Variants in CHP1 observed in about 807,000 individuals in gnomAD.
CHP1 encodes calcineurin B homologous protein 1.
Under a neutral mutation model 27.4 loss-of-function variants are expected in CHP1, and 11 were observed. The ratio of observed to expected loss-of-function variants is 0.40; its 90% CI spans 0.25 to 0.67. The LOEUF (loss-of-function observed/expected upper bound fraction) is 0.67, where lower values mean the gene tolerates loss of function less well. Ranked by LOEUF, CHP1 falls within the 30% of genes least tolerant of loss-of-function variation. The probability of loss-of-function intolerance (pLI) is 0.38; values close to 1 mark genes in which losing one functional copy is unlikely to be tolerated. For synonymous variants in CHP1, 89 were observed against 87.4 expected, an observed-to-expected ratio of 1.02 and a Z score of -0.10; for missense variants, 169 against 251.3, an observed-to-expected ratio of 0.67 and a Z score of 2.22.
intron 2 of CHP1, among the ~76,000 whole-genome samples, chr15:41,247,377 A>G (rs1282387214): frequency 2.7e-5 from 4 of 150,464 alleles, no homozygotes; most frequent in Non-Finnish European, 4.4e-5. Flanking sequence ...TTTAAAAAAA[A>G]AAAAAATTCT....
chr15:41,264,196 C>G, intron 4 of CHP1: 3 of 1,286,286 alleles, frequency 2.3e-6, no homozygotes, highest in Non-Finnish European at 2.0e-6. Context: ...AGAGAGAGAT[C>G]GAGACTGAAA....
At position 41,254,534 on chromosome 15, in the gene CHP1, G is replaced by A. The variant is rs116204622; in HGVS notation, c.141-2376G>A. Among the ~76,000 whole-genome samples, 373 of 152,262 alleles carry A rather than the reference G, an allele frequency of 2.4e-3. 3 individuals carry two copies. The highest frequency in any genetic ancestry group is 8.7e-3 in the African/African-American group (361 of 41,544). On this transcript the variant is annotated intron_variant, in intron 2 of 6. Coordinates refer to ENST00000334660, the MANE Select transcript of CHP1 (RefSeq NM_007236.5). ...TGTTGAATTAAATAATCAGGACCTC[G>A]GTAATTTTCTCTTTCATCATCTTAA...
chr15:41,279,643 C>G lies in CHP1; in HGVS notation c.*254C>G. 4.7e-6 allele frequency: 2 copies of G among 422,690 alleles called. No individual in the cohort carries two copies. Among genetic ancestry groups the G allele is most frequent in the Non-Finnish European group, 8.5e-6 (2 of 235,952 alleles). The allele number at this position is 422,690 out of a possible 1,614,324, so 26.2% of individuals were successfully genotyped here. A position where few individuals can be genotyped will look rare whatever the true frequency, so the allele number is the denominator to read the frequency against. ...TCTTCATTTATAAATATCATCTTCCCCATTCTGCTGCTGAATGCCACACAT... is the reference window on the plus strand; with the variant it reads ...TCTTCATTTATAAATATCATCTTCCGCATTCTGCTGCTGAATGCCACACAT... On this transcript the variant is annotated 3_prime_UTR_variant, in exon 7 of 7. Transcript: ENST00000334660.
intron 5 of CHP1, among the ~76,000 whole-genome samples, chr15:41,275,937 G>A (rs748040772): frequency 6.6e-6 from 1 of 151,970 alleles, no homozygotes; most frequent in Non-Finnish European, 1.5e-5. Flanking sequence ...CCATGAAATC[G>A]ATTTTTAAAA....
intron 3 of CHP1, among the ~76,000 whole-genome samples, chr15:41,261,395 A>T (rs1192021176): frequency 6.6e-6 from 1 of 151,828 alleles, no homozygotes; most frequent in Non-Finnish European, 1.5e-5. Flanking sequence ...GCCTCAAGTG[A>T]TCTGCCTGCC....
chr15:41,272,645 T>C (rs1042623909), intron 5 of CHP1, among the ~76,000 whole-genome samples: 11 of 152,008 alleles, frequency 7.2e-5, no homozygotes, highest in Admixed American at 6.6e-4. Flanking sequence ...GGTCTCGAAC[T>C]CTTGGGCTCA....
chr15:41,243,815 C>T, intron 2 of CHP1, 76 bp downstream of exon 2: 1 of 1,272,894 alleles, frequency 7.9e-7, no homozygotes, highest in East Asian at 2.4e-5. Flanking sequence ...TGCCTTTATC[C>T]CTAGGGTAGA....
intron 5 of CHP1, among the ~76,000 whole-genome samples, chr15:41,278,055 G>A (rs1020201364): frequency 3.3e-5 from 5 of 151,916 alleles, no homozygotes; most frequent in East Asian, 3.9e-4. Flanking sequence ...TTGGCCGGGC[G>A]CAGTGGCTCA....
At position 41,233,114 on chromosome 15, in the gene CHP1, G is replaced by A. The variant is rs747192197; in HGVS notation, c.67+1665G>A. 1.3e-5 allele frequency among the ~76,000 whole-genome samples: 2 copies of A among 152,140 alleles called. 1 individual carries two copies. The highest frequency in any genetic ancestry group is 4.8e-5 in the African/African-American group (2 of 41,434). On this transcript the variant is annotated intron_variant, in intron 1 of 6. Transcript: ENST00000334660. ...TGGCCACTGACTTACTCTGACCCTC[G>A]GAGTGGAGACGCAAGCAGTTTGGAT... is the stretch of plus-strand genomic sequence containing the variant.
intron 2 of CHP1, among the ~76,000 whole-genome samples, chr15:41,247,533 G>A (rs762889072): frequency 1.3e-5 from 2 of 151,878 alleles, no homozygotes; most frequent in Admixed American, 6.6e-5. Flanking sequence ...TTAACCAGGT[G>A]TGGTGGCGCA....
chr15:41,237,186 G>T (rs546476207), intron 1 of CHP1, among the ~76,000 whole-genome samples: 1 of 142,540 alleles, frequency 7.0e-6, no homozygotes, highest in Non-Finnish European at 1.5e-5. Flanking sequence ...CACTTTTGTC[G>T]CCCAGGCTGG....
chr15:41,244,460 C>A (rs1215269778), intron 2 of CHP1, among the ~76,000 whole-genome samples: 1 of 152,104 alleles, frequency 6.6e-6, no homozygotes, highest in Non-Finnish European at 1.5e-5. Flanking sequence ...AGGTACATCA[C>A]TTTATGTATA....
At chr15:41,255,441 G>T (rs2047394526) in intron 2 of CHP1, among the ~76,000 whole-genome samples, 1 of 152,236 alleles carries the variant, frequency 6.6e-6, no homozygotes, top group African/African-American at 2.4e-5. Context: ...GGGAGGCTGA[G>T]GTGGGTGGAT....
chr15:41,268,691 C>CA (rs1386768806), intron 4 of CHP1, among the ~76,000 whole-genome samples: 3 of 150,470 alleles, frequency 2.0e-5, no homozygotes, highest in Non-Finnish European at 4.4e-5. Context: ...CCTGTAATCC[C>CA]AGCACTTTGG....
intron 3 of CHP1, 62 bp downstream of exon 3, chr15:41,257,052 A>G: frequency 8.0e-7 from 1 of 1,249,644 alleles, no homozygotes; most frequent in Non-Finnish European, 1.2e-6. Flanking sequence ...TTATTTGCTA[A>G]TCTGGAATAA....
rs188467317 is a variant in CHP1 at position 41,261,316 on chromosome 15, A to G, written c.222-1440A>G. On this transcript the variant is annotated intron_variant, in intron 3 of 6. Transcript: ENST00000334660. ...ATTACAGGTGCCCACTACCACGTCC[A>G]GCTAATTTTTTTGTATTTTTAGTAG... Among the ~76,000 whole-genome samples, 593 of 151,752 alleles carry G rather than the reference A, an allele frequency of 3.9e-3. 5 individuals are homozygous for G. The highest frequency in any genetic ancestry group is 0.022 in the South Asian group (108 of 4,800).
intron 4 of CHP1, among the ~76,000 whole-genome samples, chr15:41,263,563 G>A (rs560673703): frequency 6.6e-6 from 1 of 152,266 alleles, no homozygotes; most frequent in East Asian, 1.9e-4. Context: ...AGTACAAGTT[G>A]AAATTACAGT....
At chr15:41,272,533 G>T (rs1006917464) in intron 5 of CHP1, among the ~76,000 whole-genome samples, 7 of 151,974 alleles carry the variant, frequency 4.6e-5, no homozygotes, top group Admixed American at 1.3e-4. Context: ...CGATTCTCGT[G>T]CCTCAGCCTC....
chr15:41,253,430 T>C lies in CHP1; in HGVS notation c.141-3480T>C, dbSNP rs1406531634. ...TATTTAACAGTTGACAAAGTATTTA[T>C]TTATTTATTTATTTATTTATTTATT... On this transcript the variant is annotated intron_variant, in intron 2 of 6. Transcript: ENST00000334660. Among the ~76,000 whole-genome samples, 302 of 77,236 alleles carry C rather than the reference T, an allele frequency of 3.9e-3. 1 individual carries two copies. Among genetic ancestry groups the C allele is most frequent in the African/African-American group, 0.018 (288 of 16,276 alleles). The allele number at this position is 77,236 out of a possible 152,430, so 50.7% of individuals were successfully genotyped here.
Sources: allele counts gnomAD v4.1 joint callset (sites outside exome capture counted in the v4.1 genomes callset), GRCh38; gene constraint gnomAD v4.1.1; transcripts MANE v1.5; gene names NCBI Gene and HGNC (gene_info 2026-07-23, HGNC 2026-07-21).